Variants in ENTREP2 observed in about 807,000 individuals in gnomAD.
The protein encoded by ENTREP2 is endosomal transmembrane epsin interactor 2, also known as protein ENTREP2.
the ENTREP2 span, among the ~76,000 whole-genome samples, chr15:29,368,232 C>G: frequency 1.3e-5 from 2 of 150,988 alleles, no homozygotes; most frequent in African/African-American, 2.4e-5. Flanking sequence ...GGCTGAGGCA[C>G]GAGAACTGTT....
chr15:29,531,423 C>T, the ENTREP2 span, among the ~76,000 whole-genome samples: 1 of 152,054 alleles, frequency 6.6e-6, no homozygotes, highest in African/African-American at 2.4e-5. Context: ...AGGGCCAGGT[C>T]CCACTCTGAC....
At chr15:29,361,469 C>T in the ENTREP2 span, among the ~76,000 whole-genome samples, 1 of 152,182 alleles carries the variant, frequency 6.6e-6, no homozygotes, top group East Asian at 1.9e-4. Flanking sequence ...TTCTAACTTG[C>T]AGCAATTTCC....
the ENTREP2 span, among the ~76,000 whole-genome samples, chr15:29,344,284 T>A: frequency 6.6e-6 from 1 of 152,214 alleles, no homozygotes; most frequent in African/African-American, 2.4e-5. Context: ...CAACACTTTT[T>A]AAGCCAAATC....
chr15:29,666,171 G>GA, the ENTREP2 span, among the ~76,000 whole-genome samples: 7,730 of 148,862 alleles, frequency 0.052, 562 homozygotes, highest in African/African-American at 0.17. Context: ...CGTCTTTTGT[G>GA]AAAAAAAAAA....
chr15:29,207,002 G>A, the ENTREP2 span, among the ~76,000 whole-genome samples: 7 of 152,122 alleles, frequency 4.6e-5, no homozygotes, highest in Non-Finnish European at 7.3e-5. Context: ...ACATAGACAT[G>A]CTCCGTAGGT....
At chr15:29,334,589 C>A in the ENTREP2 span, among the ~76,000 whole-genome samples, 1 of 138,934 alleles carries the variant, frequency 7.2e-6, no homozygotes, top group Non-Finnish European at 1.6e-5. Context: ...TTTGACTGAG[C>A]GTATTAAAAT....
chr15:29,440,950 T>A, the ENTREP2 span, among the ~76,000 whole-genome samples: 1 of 152,114 alleles, frequency 6.6e-6, no homozygotes, highest in Non-Finnish European at 1.5e-5. Context: ...GACCATATGA[T>A]CCAGCAATTC....
the ENTREP2 span, among the ~76,000 whole-genome samples, chr15:29,553,980 T>C: frequency 0.05 from 7,582 of 152,226 alleles, 598 homozygotes; most frequent in African/African-American, 0.17. Context: ...AGTTTGAGGA[T>C]AACTTGTGAT....
At chr15:29,577,209 T>C in the ENTREP2 span, among the ~76,000 whole-genome samples, 1 of 151,786 alleles carries the variant, frequency 6.6e-6, no homozygotes, top group Non-Finnish European at 1.5e-5. Context: ...GAATGTAAAA[T>C]GGTGCAGCCA....
the ENTREP2 span, among the ~76,000 whole-genome samples, chr15:29,209,992 T>A: frequency 1.3e-5 from 2 of 152,352 alleles, no homozygotes; most frequent in East Asian, 1.9e-4. Context: ...AGGTTTTGTA[T>A]AATGCTTTTT....
the ENTREP2 span, among the ~76,000 whole-genome samples, chr15:29,519,722 T>C: frequency 6.6e-6 from 1 of 152,064 alleles, no homozygotes; most frequent in Non-Finnish European, 1.5e-5. Context: ...GTGAGGGAGG[T>C]TGGGTCCCAT....
At chr15:29,588,762 C>T in the ENTREP2 span, among the ~76,000 whole-genome samples, 7 of 152,020 alleles carry the variant, frequency 4.6e-5, no homozygotes, top group Non-Finnish European at 1.0e-4. Flanking sequence ...CTTTGGGAGG[C>T]TGAGGCAGGC....
the ENTREP2 span, among the ~76,000 whole-genome samples, chr15:29,232,236 A>C: frequency 6.6e-6 from 1 of 152,144 alleles, no homozygotes; most frequent in Non-Finnish European, 1.5e-5. Flanking sequence ...AAGTTTTCTA[A>C]TTGATTTTAA....
chr15:29,168,355 A>T, the ENTREP2 span, among the ~76,000 whole-genome samples: 1 of 152,218 alleles, frequency 6.6e-6, no homozygotes, highest in South Asian at 2.1e-4. Context: ...CCTACTACAC[A>T]TAGTTACAAA....
chr15:29,534,371 G>C, the ENTREP2 span, among the ~76,000 whole-genome samples: 11 of 152,076 alleles, frequency 7.2e-5, no homozygotes, highest in Non-Finnish European at 1.3e-4. Context: ...GGAAAACTGG[G>C]CTTCCAGGAT....
At chr15:29,121,124 C>T in the ENTREP2 span, 2 of 152,324 alleles carry the variant, frequency 1.3e-5, no homozygotes, top group African/African-American at 2.4e-5. Flanking sequence ...ACAGAGCTGC[C>T]ACCAGCGCAA....
At chr15:29,566,035 G>C in the ENTREP2 span, among the ~76,000 whole-genome samples, 1 of 152,106 alleles carries the variant, frequency 6.6e-6, no homozygotes, top group Non-Finnish European at 1.5e-5. Flanking sequence ...TGATTGTAAA[G>C]GGAAGCATGG....
At chr15:29,628,796 C>T in the ENTREP2 span, among the ~76,000 whole-genome samples, 2 of 152,182 alleles carry the variant, frequency 1.3e-5, no homozygotes, top group Non-Finnish European at 2.9e-5. Flanking sequence ...GTCATCCAGG[C>T]TGGAGTGCAG....
chr15:29,192,804 G>A, the ENTREP2 span, among the ~76,000 whole-genome samples: 4 of 152,170 alleles, frequency 2.6e-5, no homozygotes, highest in African/African-American at 9.7e-5. Flanking sequence ...TGCAAGGCTG[G>A]CTTACCACTC....
Sources: allele counts gnomAD v4.1 joint callset (sites outside exome capture counted in the v4.1 genomes callset), GRCh38; gene constraint gnomAD v4.1.1; transcripts MANE v1.5; gene names NCBI Gene and HGNC (gene_info 2026-07-23, HGNC 2026-07-21).